The following TP73 variants were observed in gnomAD, a reference collection of about 807,000 sequenced individuals.
TP73 encodes the protein p53-like transcription factor.
TP73 carries 25 observed loss-of-function variants against 62.5 expected under a neutral mutation model. That is an observed-to-expected ratio of 0.40 (90% CI 0.29 to 0.56). The LOEUF is 0.56. TP73 is among the 20% of genes least tolerant of loss of function. The pLI is 0.46. For missense variants in TP73, 754 were observed against 913.3 expected (o/e 0.83, Z 2.25); for synonymous variants, 423 against 377.5 (o/e 1.12, Z -1.40).
At chr1:3,695,292 T>C (rs919197555) in intron 3 of TP73, among the ~76,000 whole-genome samples, 50 of 152,220 alleles carry the variant, frequency 3.3e-4, no homozygotes, top group African/African-American at 1.2e-3. Context: ...AAATGTCCAG[T>C]TCATGGCCCC....
At chr1:3,685,141 AG>A (rs1645620641) in intron 3 of TP73, among the ~76,000 whole-genome samples, 2 of 152,186 alleles carry the variant, frequency 1.3e-5, no homozygotes, top group Admixed American at 1.3e-4. Flanking sequence ...CCCCCTGCAG[AG>A]GGCAGAAGGC....
At chr1:3,655,248 G>A (rs1003511760) in intron 1 of TP73, among the ~76,000 whole-genome samples, 4 of 152,182 alleles carry the variant, frequency 2.6e-5, no homozygotes, top group African/African-American at 9.7e-5. Context: ...TTAGCCGGGG[G>A]TGGTGTCTGG....
chr1:3,674,788 A>G (rs1303959204), intron 1 of TP73, among the ~76,000 whole-genome samples: 1 of 152,172 alleles, frequency 6.6e-6, no homozygotes, highest in Non-Finnish European at 1.5e-5. Flanking sequence ...GGGCCCCAGG[A>G]GGCTGGGCTC....
At chr1:3,721,783 C>G (rs1443964327) in intron 4 of TP73, among the ~76,000 whole-genome samples, 2 of 152,166 alleles carry the variant, frequency 1.3e-5, no homozygotes, top group Non-Finnish European at 2.9e-5. Context: ...CCCCTGCTGT[C>G]ATGGAGCCCA....
intron 1 of TP73, among the ~76,000 whole-genome samples, chr1:3,654,041 G>A (rs1288818238): frequency 3.3e-5 from 5 of 152,114 alleles, no homozygotes; most frequent in African/African-American, 1.2e-4. Flanking sequence ...GGGCATGGTG[G>A]CAGGCACCTG....
chr1:3,673,127 C>T (rs928139557), intron 1 of TP73, among the ~76,000 whole-genome samples: 1 of 152,248 alleles, frequency 6.6e-6, no homozygotes, highest in Non-Finnish European at 1.5e-5. Context: ...TGGGCACTAC[C>T]CGTTTCGAGG....
intron 1 of TP73, 65 bp from the exon 2 acceptor site, chr1:3,682,268 G>A (rs925463140): frequency 8.1e-7 from 1 of 1,233,864 alleles, no homozygotes; most frequent in Non-Finnish European, 1.1e-6. Flanking sequence ...CCCCACCGAG[G>A]CTGTCACAGG....
At chr1:3,729,562 G>T in intron 10 of TP73, 114 bp downstream of exon 10, 1 of 1,575,104 alleles carries the variant, frequency 6.3e-7, no homozygotes, top group South Asian at 1.1e-5. Flanking sequence ...GCCAGGGACA[G>T]GCAGCAGGGT....
intron 2 of TP73, 95 bp downstream of exon 2, chr1:3,682,525 G>A (rs764615888): frequency 4.1e-5 from 51 of 1,240,836 alleles, no homozygotes; most frequent in Non-Finnish European, 5.2e-5. Flanking sequence ...GGCCAGAGCA[G>A]GAGGGGTGGC....
intron 4 of TP73, among the ~76,000 whole-genome samples, chr1:3,719,812 C>T (rs1371784233): frequency 3.9e-5 from 6 of 152,090 alleles, no homozygotes; most frequent in Non-Finnish European, 8.8e-5. Flanking sequence ...CCTGCAGCTC[C>T]GACAGTCCAG....
At chr1:3,686,768 G>A (rs1252924765) in intron 3 of TP73, among the ~76,000 whole-genome samples, 7 of 152,156 alleles carry the variant, frequency 4.6e-5, no homozygotes, top group Non-Finnish European at 8.8e-5. Context: ...TGGGGGCTCC[G>A]AGGCCAGGTT....
intron 5 of TP73, among the ~76,000 whole-genome samples, 184 bp downstream of exon 5, chr1:3,722,391 G>T (rs1446287703): frequency 6.6e-6 from 1 of 152,246 alleles, no homozygotes; most frequent in Non-Finnish European, 1.5e-5. Context: ...ACCTGGGGGG[G>T]CCCATGCTCC....
In TP73 at chr1:3,666,931, A is replaced by T. The variant is rs898728243; in HGVS notation, c.-34+14290A>T. On this transcript the variant is annotated intron_variant, in intron 1 of 13. Transcript: ENST00000378295. This position sits in a 1 kb window ranked among gnomAD's most constrained non-coding sequence, Gnocchi z 6.4. ...GTCCCAATCCCCAGAACCCGTGTCTATGTTATTTCCCATGGCAAAGGGGAC... is the reference window on the plus strand; with the variant it reads ...GTCCCAATCCCCAGAACCCGTGTCTTTGTTATTTCCCATGGCAAAGGGGAC... 4.6e-5 allele frequency among the ~76,000 whole-genome samples: 7 copies of T among 152,140 alleles called. No homozygotes were observed. Among genetic ancestry groups the T allele is most frequent in the African/African-American group, 1.7e-4 (7 of 41,412 alleles).
intron 3 of TP73, among the ~76,000 whole-genome samples, chr1:3,687,710 C>T (rs1287610733): frequency 6.6e-6 from 1 of 152,292 alleles, no homozygotes; most frequent in East Asian, 1.9e-4. Flanking sequence ...TCTCCCCTCC[C>T]CTCTCTGTCC....
chr1:3,689,594 G>C (rs904639581), intron 3 of TP73, among the ~76,000 whole-genome samples: 1 of 152,136 alleles, frequency 6.6e-6, no homozygotes. Context: ...CTCTCCCGGG[G>C]GTGGGGGTGG....
intron 3 of TP73, among the ~76,000 whole-genome samples, chr1:3,698,664 A>G (rs1325274220): frequency 2.0e-5 from 3 of 152,128 alleles, no homozygotes; most frequent in Non-Finnish European, 4.4e-5. Flanking sequence ...GGTGGAAGGC[A>G]GTGAGGGTTG....
At position 3,672,342 on chromosome 1, in the gene TP73, C is replaced by A. The variant is rs1246864496; in HGVS notation, c.-33-9991C>A. Among the ~76,000 whole-genome samples, 1 of 152,094 alleles carries A rather than the reference C, an allele frequency of 6.6e-6. No individual in the cohort carries two copies. Among genetic ancestry groups the A allele is most frequent in the African/African-American group, 2.4e-5 (1 of 41,406 alleles). On this transcript the variant is annotated intron_variant, in intron 1 of 13. Coordinates refer to ENST00000378295, the MANE Select transcript of TP73 (RefSeq NM_005427.4). The surrounding 1 kb of genome is among the most constrained non-coding windows in gnomAD (Gnocchi z 5.3). ...CAGGCACTTCCAACATGGGCGCTGG[C>A]CGCACAAAGGCTAGTGACACCCGGT... is the stretch of plus-strand genomic sequence containing the variant.
chr1:3,690,707 A>G, intron 3 of TP73: 8 of 1,427,990 alleles, frequency 5.6e-6, no homozygotes, highest in Non-Finnish European at 7.3e-6. Context: ...GGGAGATGGG[A>G]AAAGCGAAAA....
intron 3 of TP73, among the ~76,000 whole-genome samples, chr1:3,702,658 C>T (rs1034243841): frequency 1.3e-5 from 2 of 152,220 alleles, no homozygotes; most frequent in Non-Finnish European, 2.9e-5. Flanking sequence ...GGGCCTGGTG[C>T]GTCCGCGGCC....
Sources: gnomAD v4.1 joint callset for allele counts (sites outside exome capture counted in the v4.1 genomes callset) on GRCh38, gnomAD v4.1.1 for gene constraint, Gnocchi (gnomAD v3.1) non-coding constraint, MANE v1.5 for transcripts, NCBI Gene and HGNC (gene_info 2026-07-23, HGNC 2026-07-21) for gene names.